Variants in ULK4 observed in about 807,000 individuals in gnomAD.
The protein encoded by ULK4 is inactive serine/threonine-protein kinase ULK4.
A neutral mutation model predicts 160.6 loss-of-function variants in ULK4; 133 were observed. The ratio of observed to expected loss-of-function variants is 0.83; its 90% CI spans 0.72 to 0.96. ULK4 has a LOEUF of 0.96. Among genes scored for constraint, ULK4 ranks in the 40% least tolerant of loss-of-function variants. The probability of loss-of-function intolerance (pLI) is 0.00; values close to 1 mark genes in which losing one functional copy is unlikely to be tolerated. For synonymous variants in ULK4, 534 were observed against 539.8 expected (o/e 0.99, Z 0.15); for missense variants, 1,580 against 1,499.5 (o/e 1.05, Z -0.89).
intron 35 of ULK4, among the ~76,000 whole-genome samples, chr3:41,312,618 G>A (rs1345580035): frequency 6.6e-6 from 1 of 151,696 alleles, no homozygotes; most frequent in Non-Finnish European, 1.5e-5. Flanking sequence ...AACACAGGGA[G>A]ACCTCATCTC....
intron 35 of ULK4, among the ~76,000 whole-genome samples, chr3:41,312,689 T>C (rs1266299227): frequency 2.6e-5 from 4 of 151,974 alleles, no homozygotes; most frequent in African/African-American, 9.7e-5. Context: ...ACACCTGTAG[T>C]CCCAGCTACT....
Position 41,789,854 on chromosome 3 carries a change from A to G in ULK4, c.2011-11T>C, listed in dbSNP as rs779933616. The G allele has an allele frequency of 1.9e-5, 30 of 1,592,482 alleles. No homozygotes were observed. The South Asian group carries it at 3.4e-4, about 18-fold the overall frequency. On this transcript the variant is annotated splice_polypyrimidine_tract_variant and intron_variant, in intron 20 of 36. Transcript: ENST00000301831. ...GATTCTACACAAGGCCTACAAAGAC[A>G]AGAGAACAGACCTGTCAGGCAACTC... is the stretch of plus-strand genomic sequence containing the variant.
chr3:41,839,614 C>T (rs747932551), intron 17 of ULK4, among the ~76,000 whole-genome samples: 7 of 151,194 alleles, frequency 4.6e-5, no homozygotes, highest in Non-Finnish European at 8.9e-5. Flanking sequence ...TCAAAAAAAA[C>T]TAACTATCAC....
chr3:41,477,132 C>G (rs1278920072), intron 32 of ULK4, among the ~76,000 whole-genome samples: 8 of 152,092 alleles, frequency 5.3e-5, no homozygotes, highest in Non-Finnish European at 1.5e-5. Context: ...TCAAAGAACC[C>G]AAGAATTATT....
At chr3:41,613,182 T>C (rs555311069) in intron 31 of ULK4, among the ~76,000 whole-genome samples, 26 of 152,210 alleles carry the variant, frequency 1.7e-4, no homozygotes, top group Non-Finnish European at 3.4e-4. Flanking sequence ...CCAAACCAAA[T>C]TGAAATATAT....
chr3:41,879,846 G>A (rs1575874867), intron 17 of ULK4, among the ~76,000 whole-genome samples: 1 of 152,314 alleles, frequency 6.6e-6, no homozygotes, highest in African/African-American at 2.4e-5. Flanking sequence ...GCCAGGAGTG[G>A]TGGCTCATGC....
rs1450714871 is a variant in ULK4 at position 41,434,013 on chromosome 3, C to T, written c.3492+21484G>A. Among the ~76,000 whole-genome samples the T allele has an allele frequency of 3.3e-5, 5 of 152,178 alleles. No homozygotes were observed. The East Asian group carries it at 9.6e-4, about 29-fold the overall frequency. On this transcript the variant is annotated intron_variant, in intron 34 of 36. Coordinates refer to ENST00000301831, the MANE Select transcript of ULK4 (RefSeq NM_017886.4). ...CTGGGATTACAGGCGTGAGCCACCA[C>T]ACCCGGCCTATCCCAAACTTTTTGA...
intron 35 of ULK4, among the ~76,000 whole-genome samples, chr3:41,312,806 TCAAAAA>T (rs746171370): frequency 2.0e-5 from 3 of 152,026 alleles, no homozygotes; most frequent in Non-Finnish European, 2.9e-5. Context: ...AGACCCTGTC[TCAAAAA>T]CAAAAACAAA....
At chr3:41,522,509 G>C (rs746586391) in intron 32 of ULK4, among the ~76,000 whole-genome samples, 1 of 152,050 alleles carries the variant, frequency 6.6e-6, no homozygotes, top group Non-Finnish European at 1.5e-5. Flanking sequence ...TTTGATACTT[G>C]AGAATATTTT....
intron 34 of ULK4, among the ~76,000 whole-genome samples, chr3:41,421,116 CAAAAAAAAAAGAAAA>C (rs1695494310): frequency 9.5e-6 from 1 of 105,138 alleles, no homozygotes; most frequent in South Asian, 3.1e-4. Flanking sequence ...GACCCCATCT[CAAAAAAAAAAGAAAA>C]GAAAAGAAAA....
chr3:41,832,381 T>C (rs984416884), intron 18 of ULK4, among the ~76,000 whole-genome samples: 10 of 152,116 alleles, frequency 6.6e-5, no homozygotes, highest in Middle Eastern at 3.2e-3. Flanking sequence ...CACGTTTTTA[T>C]GGGTTGTTTG....
At chr3:41,753,866 G>A (rs1326126601) in intron 22 of ULK4, among the ~76,000 whole-genome samples, 2 of 152,148 alleles carry the variant, frequency 1.3e-5, no homozygotes, top group African/African-American at 4.8e-5. Flanking sequence ...ACACTGCTGG[G>A]GAGGCCTCAG....
At chr3:41,835,258 C>G (rs192248214) in intron 18 of ULK4, among the ~76,000 whole-genome samples, 1 of 152,132 alleles carries the variant, frequency 6.6e-6, no homozygotes, top group Non-Finnish European at 1.5e-5. Context: ...TTACTTATAA[C>G]TTACCAGTAT....
chr3:41,440,519 T>C (rs950377635), intron 34 of ULK4, among the ~76,000 whole-genome samples: 11 of 152,234 alleles, frequency 7.2e-5, no homozygotes, highest in African/African-American at 2.4e-4. Context: ...CTCTTGGCCA[T>C]GGTATATTTA....
At position 41,681,635 on chromosome 3, in the gene ULK4, T is replaced by TC; in HGVS notation, c.2850_2851insG (p.Ser951GlufsTer27). ...GTGGTTTCTGAGAGCAACCGCAAGC[T>TC]AAAGAGTCTCCACTCCACTTGAAAG... On this transcript the variant is annotated frameshift_variant, in exon 29 of 37. Transcript: ENST00000301831. LOFTEE classifies it high-confidence loss of function. 6.2e-7 allele frequency: 1 copy of TC among 1,613,320 alleles called. No homozygotes were observed. Among genetic ancestry groups the TC allele is most frequent in the Non-Finnish European group, 8.5e-7 (1 of 1,179,882 alleles).
chr3:41,883,731 T>C (rs1465643939), intron 17 of ULK4, 143 bp downstream of exon 17: 3 of 759,986 alleles, frequency 3.9e-6, no homozygotes, highest in Non-Finnish European at 6.9e-6. Context: ...TAAAGGTCTG[T>C]TGAGGTAACA....
intron 35 of ULK4, among the ~76,000 whole-genome samples, chr3:41,299,216 G>A (rs1416806658): frequency 6.6e-6 from 1 of 152,190 alleles, no homozygotes; most frequent in Non-Finnish European, 1.5e-5. Context: ...TCCTGCTGGT[G>A]AACGAGAGGC....
intron 32 of ULK4, among the ~76,000 whole-genome samples, chr3:41,470,302 G>T (rs151180836): frequency 4.5e-4 from 68 of 152,180 alleles, no homozygotes; most frequent in African/African-American, 1.6e-3. Context: ...TTCCTGCAGG[G>T]CAAGAGAGAG....
chr3:41,735,943 T>C lies in ULK4; in HGVS notation c.2322-18082A>G, dbSNP rs941892994. Among the ~76,000 whole-genome samples the C allele has an allele frequency of 1.5e-4, 22 of 148,818 alleles. 1 individual carries two copies. The Admixed American group carries it at 1.5e-3, about 10-fold the overall frequency. ...ACCTATGAGTGAGAATATGCGGTGT[T>C]TGGTTTTTTGTCCTTGCGATAGTTT... On this transcript the variant is annotated intron_variant, in intron 22 of 36. Transcript: ENST00000301831.
Sources: allele counts gnomAD v4.1 joint callset (sites outside exome capture counted in the v4.1 genomes callset), GRCh38; gene constraint gnomAD v4.1.1; transcripts MANE v1.5; gene names NCBI Gene and HGNC (gene_info 2026-07-23, HGNC 2026-07-21).